The following USP10 variants were observed in gnomAD, a reference collection of about 807,000 sequenced individuals.
The protein encoded by USP10 is ubiquitin carboxyl-terminal hydrolase 10.
USP10 carries 22 observed loss-of-function variants against 84.5 expected under a neutral mutation model. That is an observed-to-expected ratio of 0.26 (90% CI 0.19 to 0.37). The LOEUF (loss-of-function observed/expected upper bound fraction) is 0.37, where lower values mean the gene tolerates loss of function less well. Among genes scored for constraint, USP10 ranks in the 10% least tolerant of loss-of-function variants. The probability of loss-of-function intolerance (pLI) is 1.00; values close to 1 mark genes in which losing one functional copy is unlikely to be tolerated. For missense variants in USP10, 1,019 were observed against 998.9 expected, an observed-to-expected ratio of 1.02 and a Z score of -0.27; for synonymous variants, 454 against 387.6, an observed-to-expected ratio of 1.17 and a Z score of -2.01.
chr16:84,768,358 G>C lies in USP10; in HGVS notation c.1998G>C (p.Glu666Asp). Residue 666 changes from glutamate (E) to aspartate (D), a missense_variant and splice_region_variant, in exon 11 of 14, where the codon GAG becomes GAC. Coordinates refer to ENST00000219473, the MANE Select transcript of USP10 (RefSeq NM_005153.3). ...GTTATACCACAAAAACCAAACAAGAGGTATGTTCACACTTGATTTTGAACC... is the reference window on the plus strand; with the variant it reads ...GTTATACCACAAAAACCAAACAAGACGTATGTTCACACTTGATTTTGAACC... ...VQGYTTKTKQ[E>D]VEISRRVTLE... The C allele has an allele frequency of 6.3e-7, 1 of 1,591,366 alleles. No homozygotes were observed. The highest frequency in any genetic ancestry group is 8.6e-7 in the Non-Finnish European group (1 of 1,166,890).
intron 11 of USP10, among the ~76,000 whole-genome samples, chr16:84,770,745 C>G (rs1196242395): frequency 3.4e-5 from 5 of 147,872 alleles, no homozygotes; most frequent in African/African-American, 1.0e-4. Flanking sequence ...GCAGTCCGGC[C>G]TGGGCGACAG....
intron 2 of USP10, 99 bp downstream of exon 2, chr16:84,733,602 G>T (rs965271740): frequency 1.1e-6 from 1 of 898,438 alleles, no homozygotes; most frequent in African/African-American, 1.8e-5. Flanking sequence ...TTCCAATGTA[G>T]AGAAAAGTAT....
intron 1 of USP10, among the ~76,000 whole-genome samples, chr16:84,700,532 G>T (rs979375079): frequency 6.6e-6 from 1 of 152,100 alleles, no homozygotes; most frequent in African/African-American, 2.4e-5. Context: ...TGCTGCCTCT[G>T]CCTGGAGCGA....
At chr16:84,730,743 A>G (rs933225734) in intron 1 of USP10, among the ~76,000 whole-genome samples, 13 of 152,156 alleles carry the variant, frequency 8.5e-5, no homozygotes, top group African/African-American at 2.9e-4. Flanking sequence ...AGCTCTAAAA[A>G]CTTTAGGCTG....
At chr16:84,702,757 C>CTGAG (rs1905048839) in intron 1 of USP10, among the ~76,000 whole-genome samples, 1 of 152,002 alleles carries the variant, frequency 6.6e-6, no homozygotes, top group Non-Finnish European at 1.5e-5. Context: ...CTTTGGGAGG[C>CTGAG]GCAGGTGGGT....
intron 3 of USP10, 124 bp from the exon 4 acceptor site, chr16:84,744,509 C>G: frequency 1.2e-6 from 1 of 837,624 alleles, no homozygotes. Context: ...AAGTAAAGGA[C>G]GTAATAGATT....
In USP10 at chr16:84,758,763, C is replaced by A; in HGVS notation, c.1240C>A (p.Pro414Thr). The change falls in exon 5 of 14, where the codon CCC (proline) becomes ACC (threonine). Residue 414 changes from proline to threonine, a missense_variant. By Grantham distance (38) the Pro-to-Thr change is conservative. Around this residue, in one of 2 missense-constraint regions of USP10, gnomAD observed 787 missense variants for 708.8 expected, o/e 1.11. Transcript: ENST00000219473. ...TLIHKPVSLQ[P>T]RGLINKGNWC... ...AATCCATAAACCAGTGTCGTTGCAA[C>A]CCCGTGGGCTGATCAATAAAGGGAA... The A allele has an allele frequency of 6.2e-7, 1 of 1,613,958 alleles. No homozygotes were observed. The highest frequency in any genetic ancestry group is 8.5e-7 in the Non-Finnish European group (1 of 1,179,808).
At chr16:84,702,360 G>T (rs922152213) in intron 1 of USP10, among the ~76,000 whole-genome samples, 10 of 151,954 alleles carry the variant, frequency 6.6e-5, no homozygotes, top group Non-Finnish European at 1.2e-4. Context: ...GCGCCTGGCC[G>T]ATTTCTCATA....
chr16:84,764,225 T>G lies in USP10; in HGVS notation c.1794T>G (p.Val598=). The G allele has an allele frequency of 1.9e-6, 3 of 1,614,028 alleles. No individual in the cohort carries two copies. Among genetic ancestry groups the G allele is most frequent in the Non-Finnish European group, 2.5e-6 (3 of 1,179,888 alleles). Residue 598 remains valine (V), a synonymous_variant, in exon 10 of 14, where the codon GTT becomes GTG. Transcript: ENST00000219473. ...CCGTCACCCGCCAGGCGGATTTTGT[T>G]CAGACTCCAATCACCGGCATTTTTG... ...KTSVTRQADF[V]QTPITGIFGG... is the part of the protein sequence containing the mutation.
chr16:84,769,961 G>A lies in USP10; in HGVS notation c.1998+1603G>A, dbSNP rs532412774. 5.5e-4 allele frequency among the ~76,000 whole-genome samples: 83 copies of A among 152,230 alleles called. 1 individual carries two copies. In the South Asian group the frequency reaches 0.014, roughly 26 times the overall value. ...GGATGAAGGCTTCCAGAAAGAAGGC[G>A]GGCCAGGTGTGGTGGCTCACGCCCT... On this transcript the variant is annotated intron_variant, in intron 11 of 13. Transcript: ENST00000219473.
chr16:84,715,634 T>C (rs1390622816), intron 1 of USP10, among the ~76,000 whole-genome samples: 1 of 151,920 alleles, frequency 6.6e-6, no homozygotes, highest in Non-Finnish European at 1.5e-5. Context: ...TAGGGTGCCC[T>C]CCCTTTTTTT....
intron 3 of USP10, among the ~76,000 whole-genome samples, chr16:84,742,829 TATAAC>T (rs777337753): frequency 7.2e-5 from 11 of 152,216 alleles, no homozygotes; most frequent in Non-Finnish European, 1.0e-4. Flanking sequence ...TGATACTAAT[TATAAC>T]ATACTGAAAT....
intron 4 of USP10, among the ~76,000 whole-genome samples, chr16:84,747,051 C>T (rs928504626): frequency 2.0e-5 from 3 of 152,322 alleles, no homozygotes; most frequent in East Asian, 1.9e-4. Flanking sequence ...GGCGGCAGGA[C>T]GTTTCAGTTC....
In USP10 at chr16:84,772,692, C is replaced by T. The variant is rs1250048066; in HGVS notation, c.2143+7C>T. 6.2e-7 allele frequency: 1 copy of T among 1,613,832 alleles called. No homozygotes were observed. Among genetic ancestry groups the T allele is most frequent in the East Asian group, 2.2e-5 (1 of 44,878 alleles). On this transcript the variant is annotated splice_region_variant and intron_variant, in intron 12 of 13. Transcript: ENST00000219473. ...GACTTGGAAATTAGTAAAGGTAATG[C>T]ATACATAAGGTCGGGAGTGTTCGTG... is the stretch of plus-strand genomic sequence containing the variant.
chr16:84,752,260 A>T (rs1912019698), intron 4 of USP10, among the ~76,000 whole-genome samples: 1 of 152,196 alleles, frequency 6.6e-6, no homozygotes, highest in Admixed American at 6.5e-5. Flanking sequence ...CCATCTTCCT[A>T]AAGTTGCTGT....
rs1915379085 is a variant in USP10 at position 84,779,827 on chromosome 16, C to A, written c.*745C>A. 1 of 152,500 alleles carries A rather than the reference C, an allele frequency of 6.6e-6. No individual in the cohort carries two copies. The highest frequency in any genetic ancestry group is 2.4e-5 in the African/African-American group (1 of 41,448). The allele number at this position is 152,500 out of a possible 1,614,324, so 9.4% of individuals were successfully genotyped here. On this transcript the variant is annotated 3_prime_UTR_variant, in exon 14 of 14. Coordinates refer to ENST00000219473, the MANE Select transcript of USP10 (RefSeq NM_005153.3). ...GCTCTGTTTAATTCTGCTGTCTGCT[C>A]TTCTCTAATGCTGCGTCCCTAATTG...
intron 1 of USP10, among the ~76,000 whole-genome samples, chr16:84,731,370 TTAAACAAAA>T (rs948489802): frequency 1.3e-5 from 2 of 152,148 alleles, no homozygotes; most frequent in Non-Finnish European, 2.9e-5. Flanking sequence ...ACTATTGATA[TTAAACAAAA>T]CAGCATGATT....
intron 4 of USP10, among the ~76,000 whole-genome samples, chr16:84,745,945 TTTG>T (rs1378963265): frequency 6.6e-6 from 1 of 152,256 alleles, no homozygotes; most frequent in East Asian, 1.9e-4. Context: ...TTTCTTGCCT[TTTG>T]TTCAAGTAAT....
intron 1 of USP10, among the ~76,000 whole-genome samples, chr16:84,700,704 A>T (rs780980904): frequency 6.6e-6 from 1 of 152,196 alleles, no homozygotes; most frequent in African/African-American, 2.4e-5. Flanking sequence ...AATAAGTCGC[A>T]AGGACCGTAC....
Sources: allele counts gnomAD v4.1 joint callset (sites outside exome capture counted in the v4.1 genomes callset), GRCh38; gene constraint gnomAD v4.1.1; regional missense constraint gnomAD v4.1.1; transcripts MANE v1.5; gene names NCBI Gene and HGNC (gene_info 2026-07-23, HGNC 2026-07-21).